The following NHP2 variants were observed in gnomAD, a reference collection of about 807,000 sequenced individuals.
NHP2 encodes the protein H/ACA ribonucleoprotein complex subunit 2.
Under a neutral mutation model 16.7 loss-of-function variants are expected in NHP2, and 10 were observed. The observed-to-expected ratio is 0.60, with a 90% CI of 0.37 to 1.01. The LOEUF is 1.01. Among genes scored for constraint, NHP2 ranks in the 50% least tolerant of loss-of-function variants. The pLI, the probability that NHP2 is intolerant of heterozygous loss-of-function variation, is 0.01. For synonymous variants in NHP2, 87 were observed against 78.9 expected (o/e 1.10, Z -0.54); for missense variants, 184 against 198.3 (o/e 0.93, Z 0.43).
intron 1 of NHP2, 21 bp from the exon 2 acceptor site, chr5:178,153,581 G>C (rs1756327957): frequency 6.2e-7 from 1 of 1,614,114 alleles, no homozygotes; most frequent in East Asian, 2.2e-5. Flanking sequence ...AGAAGAGTCG[G>C]TCGGGGGCCT....
chr5:178,151,872 G>T (rs1481425573), intron 2 of NHP2, among the ~76,000 whole-genome samples: 1 of 151,954 alleles, frequency 6.6e-6, no homozygotes, highest in African/African-American at 2.4e-5. Context: ...CCTGGTGTGG[G>T]GCGGGGTGGA....
chr5:178,150,915 C>A lies in NHP2; in HGVS notation c.309G>T (p.Leu103Phe), dbSNP rs1317778833. 6.2e-7 allele frequency: 1 copy of A among 1,614,024 alleles called. No individual in the cohort carries two copies. Among genetic ancestry groups the A allele is most frequent in the Non-Finnish European group, 8.5e-7 (1 of 1,179,924 alleles). ...TCTTAGAGGGGATATAGACATAGGG[C>A]AAATTTCGGTCCTCACACATGACTG... Reference protein sequence around the residue: ...HLPVMCEDRNLPYVYIPSKTD... With the variant: ...HLPVMCEDRNFPYVYIPSKTD... Residue 103 changes from leucine (L) to phenylalanine (F), a missense_variant, in exon 3 of 4, where the codon TTG (leucine) becomes TTT (phenylalanine). Leu to Phe is a conservative substitution (Grantham distance 22). Coordinates refer to ENST00000274606, the MANE Select transcript of NHP2 (RefSeq NM_017838.4).
At chr5:178,151,067 G>A in intron 2 of NHP2, 74 bp from the exon 3 acceptor site, 1 of 1,278,932 alleles carries the variant, frequency 7.8e-7, no homozygotes, top group East Asian at 2.3e-5. Context: ...GCCCTGGGCT[G>A]GGTCTTAGGG....
rs745465136 is a variant in NHP2 at position 178,150,816 on chromosome 5, ACT to A, written c.336+70_336+71del. 4.1e-5 allele frequency: 40 copies of A among 984,774 alleles called. No homozygotes were observed. The African/African-American group carries it at 5.9e-4, about 14-fold the overall frequency. The allele number at this position is 984,774 out of a possible 1,614,324, so 61.0% of individuals were successfully genotyped here. A position where few individuals can be genotyped will look rare whatever the true frequency, so the allele number is the denominator to read the frequency against. ...TCCAACACTCCTGGCTCTTTCCCAC[ACT>A]CTCCTGCTATGGCAGACTATCCCAG... On this transcript the variant is annotated intron_variant, in intron 3 of 3. Coordinates refer to ENST00000274606, the MANE Select transcript of NHP2 (RefSeq NM_017838.4).
At chr5:178,150,396 TGAGACAG>T in intron 3 of NHP2, 2 of 254,730 alleles carry the variant, frequency 7.9e-6, no homozygotes, top group South Asian at 4.2e-5. Context: ...TTTTTTTTTT[TGAGACAG>T]GGCCTCACTC....
rs770420791 is a variant in NHP2, at chr5:178,150,748, TAAG to T, written c.336+137_336+139del. 8.5e-5 allele frequency: 66 copies of T among 776,538 alleles called. 1 individual carries two copies. The African/African-American group carries it at 9.8e-4, about 12-fold the overall frequency. The allele number at this position is 776,538 out of a possible 1,614,324, so 48.1% of individuals were successfully genotyped here. On this transcript the variant is annotated intron_variant, in intron 3 of 3. Transcript: ENST00000274606. ...AGTAACATATCTGTAGTCCCAAAAC[TAAG>T]AAGATGTGGAGCTGAGAATCCATCC... is the stretch of plus-strand genomic sequence containing the variant.
intron 3 of NHP2, 193 bp downstream of exon 3, chr5:178,150,695 T>G (rs1246882818): frequency 5.5e-6 from 4 of 727,020 alleles, no homozygotes; most frequent in African/African-American, 1.7e-5. Flanking sequence ...GGATTCCCAC[T>G]TTACAAGATG....
At chr5:178,150,756 T>C (rs2113468071) in intron 3 of NHP2, 132 bp downstream of exon 3, 1 of 779,546 alleles carries the variant, frequency 1.3e-6, no homozygotes, top group Admixed American at 1.7e-5. Flanking sequence ...ACTAAGAAGA[T>C]GTGGAGCTGA....
chr5:178,153,628 C>T, intron 1 of NHP2, 30 bp downstream of exon 1: 1 of 1,613,818 alleles, frequency 6.2e-7, no homozygotes, highest in Non-Finnish European at 8.5e-7. Flanking sequence ...ACCCGCGCAC[C>T]CATCCCGGCC....
At chr5:178,150,168 CTG>C (rs1415689098) in intron 3 of NHP2, 4 of 265,850 alleles carry the variant, frequency 1.5e-5, no homozygotes, top group Admixed American at 1.5e-4. Context: ...ACAGGTCCCT[CTG>C]AGCCTAAACC....
At position 178,153,497 on chromosome 5, in the gene NHP2, T is replaced by C. The variant is rs1756325586; in HGVS notation, c.224A>G (p.Glu75Gly). ...KEVQKFVNKG[E>G]KGIMVLAGDT... ...GAGGAAGGAAGGTTCTTACCCTTTT[T>C]CTCCTTTGTTGACAAATTTCTGAAC... The change falls in exon 2 of 4, where the codon GAA (glutamate) becomes GGA (glycine). Residue 75 changes from glutamate to glycine, a missense_variant. Transcript: ENST00000274606. The C allele has an allele frequency of 6.2e-7, 1 of 1,614,048 alleles. No individual in the cohort carries two copies.
intron 3 of NHP2, chr5:178,150,094 G>A (rs1756228311): frequency 7.9e-6 from 3 of 377,650 alleles, no homozygotes; most frequent in Admixed American, 8.8e-5. Flanking sequence ...GGCTGTCCCG[G>A]TCCCTGCCAC....
intron 2 of NHP2, chr5:178,153,212 G>A: frequency 1.9e-6 from 1 of 517,034 alleles, no homozygotes; most frequent in South Asian, 2.1e-5. Flanking sequence ...GCAAGGAGCG[G>A]AGCCCGGGGA....
chr5:178,149,798 A>G lies in NHP2; in HGVS notation c.377T>C (p.Val126Ala). 1 of 1,613,878 alleles carries G rather than the reference A, an allele frequency of 6.2e-7. No individual in the cohort carries two copies. The highest frequency in any genetic ancestry group is 1.1e-5 in the South Asian group (1 of 91,038). The stretch of plus-strand genomic sequence containing the variant: ...CTCCTCATGGGGCTTGACCATTATC[A>G]CACAGGTGGGGCGCTTGGAGCCTGC... Reference protein sequence around the residue: ...AAAGSKRPTCVIMVKPHEEYQ... With the variant: ...AAAGSKRPTCAIMVKPHEEYQ... Residue 126 changes from valine to alanine, a missense_variant, in exon 4 of 4, where the codon GTG becomes GCG. Coordinates refer to ENST00000274606, the MANE Select transcript of NHP2 (RefSeq NM_017838.4).
At chr5:178,150,384 ATT>A (rs58292208) in intron 3 of NHP2, 805 of 224,594 alleles carry the variant, frequency 3.6e-3, no homozygotes, top group East Asian at 9.2e-3. Flanking sequence ...CCCAGCCTCT[ATT>A]TTTTTTTTTT....
chr5:178,153,245 G>C (rs769016467), intron 2 of NHP2: 2 of 577,408 alleles, frequency 3.5e-6, no homozygotes, highest in Admixed American at 5.8e-5. Context: ...AATTAATGAA[G>C]GTGGGTTTAC....
chr5:178,150,864 G>A (rs375640308), intron 3 of NHP2, 24 bp downstream of exon 3: 1 of 1,489,878 alleles, frequency 6.7e-7, no homozygotes, highest in African/African-American at 1.4e-5. Flanking sequence ...GCTGAGCAAG[G>A]TCAGGGGGCC....
intron 3 of NHP2, chr5:178,150,628 C>T (rs1756251175): frequency 1.6e-6 from 1 of 638,428 alleles, no homozygotes; most frequent in African/African-American, 1.8e-5. Flanking sequence ...ACTGATCCTC[C>T]TGTCTTGGCC....
In NHP2 at chr5:178,149,772, ACTC is replaced by A. The variant is rs1756214889; in HGVS notation, c.400_402del (p.Glu134del). 6.2e-7 allele frequency: 1 copy of A among 1,613,798 alleles called. No individual in the cohort carries two copies. Among genetic ancestry groups the A allele is most frequent in the Non-Finnish European group, 8.5e-7 (1 of 1,179,890 alleles). On this transcript the variant is annotated inframe_deletion, in exon 4 of 4. Transcript: ENST00000274606. The stretch of plus-strand genomic sequence containing the variant: ...AGGCACTCATCGTAAGCCTCCTGGT[ACTC>A]CTCATGGGGCTTGACCATTATCACA...
Sources: allele counts gnomAD v4.1 joint callset (sites outside exome capture counted in the v4.1 genomes callset), GRCh38; gene constraint gnomAD v4.1.1; transcripts MANE v1.5; gene names NCBI Gene and HGNC (gene_info 2026-07-23, HGNC 2026-07-21).